The following NCBP2L variants were observed in gnomAD, a reference collection of about 807,000 sequenced individuals.
NCBP2L encodes nuclear cap binding protein subunit 2 like.
For missense variants in NCBP2L, 95 were observed against 53.1 expected (o/e 1.79, Z -2.45); for synonymous variants, 39 against 19.2 (o/e 2.04, Z -2.70).
chrX:107,790,164 C>A (rs1930432897), intron 1 of NCBP2L, among the ~76,000 whole-genome samples: 1 of 111,866 alleles, frequency 8.9e-6, no homozygotes, highest in African/African-American at 3.2e-5. Context: ...CGGTAGTCAT[C>A]CTGAATTTCT....
chrX:107,788,046 C>A (rs951190065), intron 1 of NCBP2L, among the ~76,000 whole-genome samples: 3 of 111,839 alleles, frequency 2.7e-5, no homozygotes, highest in Non-Finnish European at 5.6e-5. Context: ...TCATGTTTTT[C>A]TTCTATTTTT....
chrX:107,787,860 C>T (rs1178363268), intron 1 of NCBP2L, among the ~76,000 whole-genome samples: 4 of 112,358 alleles, frequency 3.6e-5, no homozygotes, highest in African/African-American at 1.3e-4. Context: ...GTTCCTTTCA[C>T]ATAGTTGAAA....
At chrX:107,782,367 A>AT (rs1930334698) in intron 1 of NCBP2L, among the ~76,000 whole-genome samples, 1 of 46,956 alleles carries the variant, frequency 2.1e-5, no homozygotes, top group Non-Finnish European at 3.1e-5. Context: ...ATATATATAT[A>AT]AATATATATA....
At position 107,782,192 on chromosome X, in the gene NCBP2L, TATAAATATATA is replaced by T. The variant is rs1930304408; in HGVS notation, c.-73+4335_-73+4345del. On this transcript the variant is annotated intron_variant, in intron 1 of 1. Coordinates refer to ENST00000509000, the MANE Select transcript of NCBP2L (RefSeq NM_001348372.2). Reference sequence around the variant, plus strand: ...ATATATATATATATAAATATATATATATAAATATATATATATAAATATATATATAAATATAT... The same window carrying T: ...ATATATATATATATAAATATATATATTATATAAATATATATATAAATATAT... 9.6e-5 allele frequency among the ~76,000 whole-genome samples: 2 copies of T among 20,846 alleles called. 1 individual carries two copies. Among genetic ancestry groups the T allele is most frequent in the African/African-American group, 5.5e-4 (2 of 3,606 alleles). 18.1% of individuals were successfully genotyped at this position (20,846 alleles called of 115,157 possible).
chrX:107,781,676 A>ATCTATCTCTCTCTC (rs1380779020), intron 1 of NCBP2L, among the ~76,000 whole-genome samples: 1 of 55,919 alleles, frequency 1.8e-5, no homozygotes, highest in African/African-American at 1.1e-4. Flanking sequence ...CTATCTATCT[A>ATCTATCTCTCTCTC]TCTCTCTCTC....
intron 1 of NCBP2L, among the ~76,000 whole-genome samples, chrX:107,783,380 A>AT (rs1280169056): frequency 3.4e-5 from 2 of 58,681 alleles, no homozygotes; most frequent in African/African-American, 1.3e-4. Context: ...TTTTTTTTTT[A>AT]TTTTTTATTT....
intron 1 of NCBP2L, among the ~76,000 whole-genome samples, chrX:107,781,316 C>T (rs1228022269): frequency 9.5e-6 from 1 of 105,089 alleles, no homozygotes; most frequent in East Asian, 3.0e-4. Flanking sequence ...GCCTGCCTGC[C>T]TGAAGGGGTC....
chrX:107,793,386 G>A (rs12116180), intron 1 of NCBP2L, among the ~76,000 whole-genome samples: 32,830 of 110,518 alleles, frequency 0.3, 6,778 homozygotes, highest in African/African-American at 0.75. Context: ...GGGAGACCCA[G>A]TGCCTCCCTA....
chrX:107,795,377 T>G lies in NCBP2L; in HGVS notation c.*695T>G, dbSNP rs987370549. On this transcript the variant is annotated 3_prime_UTR_variant, in exon 2 of 2. Coordinates refer to ENST00000509000, the MANE Select transcript of NCBP2L (RefSeq NM_001348372.2). ...CCCATTTGCACTTCTCTACTCTCCA[T>G]CCTCTCAATATAGTTCACAACACTT... 2 of 111,834 alleles carry G rather than the reference T, an allele frequency of 1.8e-5. No individual in the cohort carries two copies. The highest frequency in any genetic ancestry group is 3.8e-5 in the Non-Finnish European group (2 of 53,207). The allele number at this position is 111,834 out of a possible 1,213,427, so 9.2% of individuals were successfully genotyped here. A position where few individuals can be genotyped will look rare whatever the true frequency, so the allele number is the denominator to read the frequency against.
rs150633652 is a variant in NCBP2L, at chrX:107,779,845, G to T, written c.-73+1987G>T. On this transcript the variant is annotated intron_variant, in intron 1 of 1. Transcript: ENST00000509000. ...TGCAAGCTCCACCTCCCGGGTTCAC[G>T]CCATTCTCCTGCCTCAGCCTCCCGA... is the stretch of plus-strand genomic sequence containing the variant. Among the ~76,000 whole-genome samples, 932 of 101,753 alleles carry T rather than the reference G, an allele frequency of 9.2e-3. 15 individuals are homozygous for T. The highest frequency in any genetic ancestry group is 0.032 in the African/African-American group (880 of 27,079). The allele number at this position is 101,753 out of a possible 115,157, so 88.4% of individuals were successfully genotyped here. A position where few individuals can be genotyped will look rare whatever the true frequency, so the allele number is the denominator to read the frequency against.
chrX:107,792,737 A>C (rs1341839436), intron 1 of NCBP2L, among the ~76,000 whole-genome samples: 1 of 111,724 alleles, frequency 9.0e-6, no homozygotes, highest in Non-Finnish European at 1.9e-5. Flanking sequence ...GAATCAGTGC[A>C]TGCAGTCCCT....
At position 107,781,844 on chromosome X, in the gene NCBP2L, T is replaced by TTA. The variant is rs1238711785; in HGVS notation, c.-73+3998_-73+3999dup. ...TCTATATATAGAGAGATATATATAT[T>TTA]TATATATATATATTTTTTTCTTTGA... On this transcript the variant is annotated intron_variant, in intron 1 of 1. Transcript: ENST00000509000. Among the ~76,000 whole-genome samples, 6 of 42,915 alleles carry TTA rather than the reference T, an allele frequency of 1.4e-4. No individual in the cohort carries two copies. In the East Asian group the frequency reaches 1.5e-3, roughly 11 times the overall value. 37.3% of individuals were successfully genotyped at this position (42,915 alleles called of 115,157 possible).
In NCBP2L at chrX:107,782,222, AAT is replaced by A. The variant is rs1331352315; in HGVS notation, c.-73+4376_-73+4377del. 1.1e-3 allele frequency among the ~76,000 whole-genome samples: 18 copies of A among 16,781 alleles called. 1 individual carries two copies. The highest frequency in any genetic ancestry group is 4.9e-3 in the African/African-American group (10 of 2,058). 14.6% of individuals were successfully genotyped at this position (16,781 alleles called of 115,157 possible). A position where few individuals can be genotyped will look rare whatever the true frequency, so the allele number is the denominator to read the frequency against. On this transcript the variant is annotated intron_variant, in intron 1 of 1. Coordinates refer to ENST00000509000, the MANE Select transcript of NCBP2L (RefSeq NM_001348372.2). Reference sequence around the variant, plus strand: ...ATATATATATATAAATATATATATAAATATATATATATAAATATATATATATA... The same window carrying A: ...ATATATATATATAAATATATATATAAATATATATATAAATATATATATATA...
intron 1 of NCBP2L, among the ~76,000 whole-genome samples, chrX:107,779,715 A>C (rs748871556): frequency 1.9e-4 from 19 of 102,464 alleles, no homozygotes; most frequent in African/African-American, 6.6e-4. Flanking sequence ...GGCGTGAGCC[A>C]CCGTGCCCAG....
intron 1 of NCBP2L, among the ~76,000 whole-genome samples, chrX:107,785,897 G>T (rs1047337195): frequency 1.2e-4 from 13 of 110,585 alleles, no homozygotes; most frequent in Non-Finnish European, 1.9e-4. Flanking sequence ...GGGCGATCAT[G>T]TTGGAGAGTT....
At chrX:107,779,020 G>A (rs1483827903) in intron 1 of NCBP2L, among the ~76,000 whole-genome samples, 1 of 111,678 alleles carries the variant, frequency 9.0e-6, no homozygotes, top group Non-Finnish European at 1.9e-5. Flanking sequence ...AGAGAGACTA[G>A]AGAGACTAGT....
rs773404170 is a variant in NCBP2L at position 107,794,474 on chromosome X, A to G, written c.254A>G (p.Glu85Gly). 1.1e-5 allele frequency: 6 copies of G among 568,951 alleles called. No individual in the cohort carries two copies. Among genetic ancestry groups the G allele is most frequent in the Non-Finnish European group, 1.6e-5 (5 of 309,350 alleles). 46.9% of individuals were successfully genotyped at this position (568,951 alleles called of 1,213,427 possible). The change falls in exon 2 of 2, where the codon GAA becomes GGA. Residue 85 changes from glutamate to glycine, a missense_variant. Physicochemically the swap from Glu to Gly is moderately conservative, Grantham distance 98. Transcript: ENST00000509000. ...KKTACGFCFV[E>G]CHNRADAENA... ...ACAGCATGTGGTTTTTGCTTTGTAG[A>G]ATGCCATAACAGAGCTGATGCTGAA...
chrX:107,790,858 G>A (rs5917070), intron 1 of NCBP2L, among the ~76,000 whole-genome samples: 26,562 of 110,858 alleles, frequency 0.24, 2,916 homozygotes, highest in Admixed American at 0.34. Flanking sequence ...AAAAAGCTCA[G>A]GAATCAGGTC....
At chrX:107,782,198 TATATATATATAA>T (rs1355806329) in intron 1 of NCBP2L, among the ~76,000 whole-genome samples, 459 of 13,784 alleles carry the variant, frequency 0.033, 38 homozygotes, top group African/African-American at 0.093. Context: ...TATATATAAA[TATATATATATAA>T]ATATATATAT....
Sources: allele counts gnomAD v4.1 joint callset (sites outside exome capture counted in the v4.1 genomes callset), GRCh38; gene constraint gnomAD v4.1.1; transcripts MANE v1.5; gene names NCBI Gene and HGNC (gene_info 2026-07-23, HGNC 2026-07-21).